Variants in ATG10 observed in about 807,000 individuals in gnomAD.
ATG10 encodes ubiquitin-like-conjugating enzyme ATG10.
ATG10 carries 30 observed loss-of-function variants against 32.1 expected under a neutral mutation model. The observed-to-expected ratio is 0.94, with a 90% confidence interval of 0.70 to 1.27. ATG10 has a LOEUF of 1.27. Ranked by LOEUF, ATG10 falls within the 50% of genes most tolerant of loss-of-function variation. The pLI, the probability that ATG10 is intolerant of heterozygous loss-of-function variation, is 0.00. For synonymous variants in ATG10, 87 were observed against 91.5 expected, an observed-to-expected ratio of 0.95 and a Z score of 0.28; for missense variants, 233 against 262.3, an observed-to-expected ratio of 0.89 and a Z score of 0.77.
chr5:82,195,428 A>T (rs1466505546), intron 5 of ATG10, among the ~76,000 whole-genome samples: 1 of 152,142 alleles, frequency 6.6e-6, no homozygotes, highest in Non-Finnish European at 1.5e-5. Flanking sequence ...TGGTTTGCAA[A>T]TCTTAAGGGA....
chr5:82,041,039 A>G (rs1763069471), intron 2 of ATG10, among the ~76,000 whole-genome samples: 1 of 152,184 alleles, frequency 6.6e-6, no homozygotes, highest in Non-Finnish European at 1.5e-5. Context: ...CAGGTTATTT[A>G]TATGAAAAGA....
chr5:82,098,908 T>C (rs566334868), intron 3 of ATG10, among the ~76,000 whole-genome samples: 9 of 152,312 alleles, frequency 5.9e-5, no homozygotes, highest in Admixed American at 3.3e-4. Flanking sequence ...TGAAGTAAAA[T>C]AGAAATATGA....
At chr5:82,128,266 T>A (rs1766362407) in intron 3 of ATG10, among the ~76,000 whole-genome samples, 2 of 152,020 alleles carry the variant, frequency 1.3e-5, no homozygotes, top group Admixed American at 6.6e-5. Flanking sequence ...TGTCTTTTAA[T>A]TGGTATATTT....
At chr5:82,251,022 C>T (rs982583715) in intron 5 of ATG10, among the ~76,000 whole-genome samples, 5 of 152,092 alleles carry the variant, frequency 3.3e-5, no homozygotes, top group Non-Finnish European at 5.9e-5. Context: ...AAGAATCAGG[C>T]GACTGGTCAG....
chr5:81,995,280 A>G (rs1281319967), intron 2 of ATG10, among the ~76,000 whole-genome samples: 1 of 152,026 alleles, frequency 6.6e-6, no homozygotes, highest in Non-Finnish European at 1.5e-5. Flanking sequence ...ACAGGCATGC[A>G]CCACCATGCC....
intron 2 of ATG10, among the ~76,000 whole-genome samples, chr5:81,995,699 G>A (rs2149678127): frequency 6.6e-6 from 1 of 152,270 alleles, no homozygotes; most frequent in East Asian, 1.9e-4. Flanking sequence ...TGGTGGCTGA[G>A]GTGAAAATGA....
chr5:82,188,001 C>T (rs1372531962), intron 5 of ATG10, among the ~76,000 whole-genome samples: 1 of 152,124 alleles, frequency 6.6e-6, no homozygotes, highest in Non-Finnish European at 1.5e-5. Context: ...CTTTCTCATC[C>T]AGCTTTTACT....
At chr5:81,994,507 G>C (rs1761604559) in intron 2 of ATG10, among the ~76,000 whole-genome samples, 1 of 152,206 alleles carries the variant, frequency 6.6e-6, no homozygotes, top group Non-Finnish European at 1.5e-5. Context: ...AGGGTTTAGA[G>C]AGGACTGTGG....
At chr5:81,983,209 G>A (rs1442948112) in intron 1 of ATG10, among the ~76,000 whole-genome samples, 8 of 149,724 alleles carry the variant, frequency 5.3e-5, no homozygotes, top group African/African-American at 1.2e-4. Flanking sequence ...CCTCCCGGAC[G>A]GGGCGACTGG....
chr5:81,987,761 C>A, intron 2 of ATG10, 83 bp downstream of exon 2: 1 of 977,964 alleles, frequency 1.0e-6, no homozygotes, highest in Non-Finnish European at 1.5e-6. Context: ...GGTAAAACCT[C>A]CATAATTGAA....
intron 3 of ATG10, among the ~76,000 whole-genome samples, chr5:82,164,133 GA>G (rs1743480379): frequency 6.6e-6 from 1 of 152,052 alleles, no homozygotes; most frequent in Admixed American, 6.5e-5. Context: ...GATCTTTTCA[GA>G]TTTTTTTTTC....
intron 1 of ATG10, among the ~76,000 whole-genome samples, chr5:81,975,166 A>G (rs1320282033): frequency 1.3e-5 from 2 of 152,194 alleles, no homozygotes; most frequent in Non-Finnish European, 2.9e-5. Context: ...ACATAGTAAT[A>G]TATGCAATTT....
intron 2 of ATG10, among the ~76,000 whole-genome samples, chr5:82,033,481 G>A (rs887920016): frequency 6.6e-6 from 1 of 151,832 alleles, no homozygotes; most frequent in African/African-American, 2.4e-5. Context: ...GGGATTACAG[G>A]TGCACACCAC....
At chr5:82,123,721 G>A (rs936705201) in intron 3 of ATG10, among the ~76,000 whole-genome samples, 1 of 139,616 alleles carries the variant, frequency 7.2e-6, no homozygotes, top group Non-Finnish European at 1.5e-5. Context: ...CTTGAGCCAG[G>A]AGTTCTAGAC....
At chr5:82,185,430 T>A (rs1744410836) in intron 5 of ATG10, among the ~76,000 whole-genome samples, 1 of 152,178 alleles carries the variant, frequency 6.6e-6, no homozygotes, top group African/African-American at 2.4e-5. Context: ...TGCAAGTATT[T>A]AATACTATAT....
At chr5:82,037,700 G>C (rs1762976272) in intron 2 of ATG10, among the ~76,000 whole-genome samples, 1 of 151,912 alleles carries the variant, frequency 6.6e-6, no homozygotes, top group Non-Finnish European at 1.5e-5. Context: ...ATGTCTTATA[G>C]GTTTTTTCAG....
At chr5:82,079,963 C>A (rs963121297) in intron 3 of ATG10, among the ~76,000 whole-genome samples, 3 of 152,210 alleles carry the variant, frequency 2.0e-5, no homozygotes, top group Admixed American at 2.0e-4. Context: ...AATGGTTGAA[C>A]CAGTTTACAG....
intron 5 of ATG10, among the ~76,000 whole-genome samples, chr5:82,228,526 G>A (rs1035631524): frequency 1.3e-5 from 2 of 152,104 alleles, no homozygotes; most frequent in Admixed American, 6.6e-5. Flanking sequence ...AGTTCTTTGA[G>A]AGGAGCACAA....
chr5:82,173,884 A>G (rs1243962979), intron 4 of ATG10, among the ~76,000 whole-genome samples: 3 of 152,170 alleles, frequency 2.0e-5, no homozygotes, highest in Non-Finnish European at 4.4e-5. Context: ...TGTTTTATGT[A>G]CTTAACCAAG....
Sources: allele counts gnomAD v4.1 joint callset (sites outside exome capture counted in the v4.1 genomes callset), GRCh38; gene constraint gnomAD v4.1.1; transcripts MANE v1.5; gene names NCBI Gene and HGNC (gene_info 2026-07-23, HGNC 2026-07-21).